The following YAE1 variants were observed in gnomAD, a reference collection of about 807,000 sequenced individuals.
YAE1 encodes the protein YAE1 maturation factor of ABCE1.
YAE1 carries 22 observed loss-of-function variants against 23.0 expected under a neutral mutation model. The observed-to-expected ratio is 0.96, with a 90% CI of 0.68 to 1.37. The LOEUF is 1.37. YAE1 is among the 40% of genes most tolerant of loss of function. The probability of loss-of-function intolerance (pLI) is 0.00; values close to 1 mark genes in which losing one functional copy is unlikely to be tolerated. For missense variants in YAE1, 260 were observed against 262.1 expected, an observed-to-expected ratio of 0.99 and a Z score of 0.06; for synonymous variants, 101 against 97.0, an observed-to-expected ratio of 1.04 and a Z score of -0.24.
intron 1 of YAE1, among the ~76,000 whole-genome samples, chr7:39,568,709 C>T (rs1790514788): frequency 6.6e-6 from 1 of 151,938 alleles, no homozygotes; most frequent in South Asian, 2.1e-4. Flanking sequence ...AAAATGTAAC[C>T]CGTAATAAAT....
intron 2 of YAE1, among the ~76,000 whole-genome samples, chr7:39,603,773 T>A (rs1179379383): frequency 2.0e-5 from 3 of 152,232 alleles, no homozygotes; most frequent in Admixed American, 6.5e-5. Context: ...GGATTTTTTT[T>A]AAATAAATTG....
intron 2 of YAE1, among the ~76,000 whole-genome samples, chr7:39,603,519 T>C (rs971229199): frequency 6.6e-6 from 1 of 152,102 alleles, no homozygotes; most frequent in East Asian, 1.9e-4. Context: ...AATTAAGCTG[T>C]GGGAATTGTG....
At chr7:39,587,179 C>T (rs911959560) in intron 2 of YAE1, among the ~76,000 whole-genome samples, 1 of 151,990 alleles carries the variant, frequency 6.6e-6, no homozygotes, top group Non-Finnish European at 1.5e-5. Context: ...ACCTCAGCGT[C>T]CCAAGCAGCT....
In YAE1 at chr7:39,572,700, A is replaced by G. The variant is rs747883761; in HGVS notation, c.675A>G (p.Gln225=). 1.3e-6 allele frequency: 2 copies of G among 1,564,180 alleles called. No individual in the cohort carries two copies. The highest frequency in any genetic ancestry group is 2.4e-5 in the South Asian group (2 of 83,102). ...TAGATGTATTACAACACCTCAAACAACTATAAAATTACCTTCCCTTTTCTA... is the reference window on the plus strand; with the variant it reads ...TAGATGTATTACAACACCTCAAACAGCTATAAAATTACCTTCCCTTTTCTA... ...LSVDVLQHLK[Q]L is the part of the protein sequence containing the mutation. The change falls in exon 3 of 3, where the codon CAA becomes CAG. Residue 225 remains glutamine, a synonymous_variant. Coordinates refer to ENST00000223273, the MANE Select transcript of YAE1 (RefSeq NM_020192.5).
chr7:39,583,404 T>C (rs1790773965), intron 2 of YAE1, among the ~76,000 whole-genome samples: 1 of 152,216 alleles, frequency 6.6e-6, no homozygotes, highest in South Asian at 2.1e-4. Context: ...AATTGAGTTA[T>C]TTTTCATTAA....
chr7:39,600,631 A>G (rs1039464954), intron 2 of YAE1, among the ~76,000 whole-genome samples: 62 of 152,234 alleles, frequency 4.1e-4, no homozygotes, highest in African/African-American at 1.4e-3. Flanking sequence ...TCCTGACCTC[A>G]GGTGATCCAC....
intron 2 of YAE1, among the ~76,000 whole-genome samples, chr7:39,603,253 G>C (rs981419103): frequency 6.6e-6 from 1 of 150,448 alleles, no homozygotes; most frequent in Non-Finnish European, 1.5e-5. Flanking sequence ...ATTCTCCTGC[G>C]TCAGCCTCCC....
chr7:39,586,268 G>A lies in YAE1; in HGVS notation c.251+15641G>A, dbSNP rs10252374. ...GCTCACTGCAACCTCCACCTCCCGGGTTCACGCCATTCTCCTGCCTCAGTC... is the reference window on the plus strand; with the variant it reads ...GCTCACTGCAACCTCCACCTCCCGGATTCACGCCATTCTCCTGCCTCAGTC... On this transcript the variant is annotated intron_variant, in intron 2 of 2. Coordinates refer to the YAE1 transcript ENST00000432096. Among the ~76,000 whole-genome samples, 478 of 151,114 alleles carry A rather than the reference G, an allele frequency of 3.2e-3. 3 individuals are homozygous for A. Among genetic ancestry groups the A allele is most frequent in the African/African-American group, 0.011 (458 of 41,156 alleles).
Position 39,566,420 on chromosome 7 carries a change from TGTC to T in YAE1, c.5_7del (p.Ser2?), listed in dbSNP as rs779038434. On this transcript the variant is annotated start_lost and inframe_deletion, in exon 1 of 3. Coordinates refer to ENST00000223273, the MANE Select transcript of YAE1 (RefSeq NM_020192.5). ...TGCGACCCCGTAATTGCCTCGGTGATGTCGTGGGTTCAAGCAGCCTCCTTGATC... is the reference window on the plus strand; with the variant it reads ...TGCGACCCCGTAATTGCCTCGGTGATGTGGGTTCAAGCAGCCTCCTTGATC... The T allele has an allele frequency of 6.2e-7, 1 of 1,613,486 alleles. No homozygotes were observed. The highest frequency in any genetic ancestry group is 1.1e-5 in the South Asian group (1 of 91,048).
intron 2 of YAE1, among the ~76,000 whole-genome samples, chr7:39,606,646 A>G (rs1468571543): frequency 2.6e-5 from 4 of 152,236 alleles, no homozygotes; most frequent in Non-Finnish European, 4.4e-5. Flanking sequence ...GGGTGTGCCC[A>G]CAATTCTCTA....
intron 2 of YAE1, among the ~76,000 whole-genome samples, chr7:39,594,974 T>A (rs1195524326): frequency 6.6e-6 from 1 of 152,220 alleles, no homozygotes; most frequent in African/African-American, 2.4e-5. Flanking sequence ...TAAATAAACC[T>A]GATTGCTCCA....
intron 2 of YAE1, among the ~76,000 whole-genome samples, chr7:39,604,029 AAG>A (rs2115848555): frequency 6.6e-6 from 1 of 152,332 alleles, no homozygotes; most frequent in South Asian, 2.1e-4. Flanking sequence ...CTTAAATAAT[AAG>A]AGAGTTTAAT....
intron 2 of YAE1, among the ~76,000 whole-genome samples, chr7:39,594,678 G>C (rs548783297): frequency 1.3e-5 from 2 of 151,344 alleles, no homozygotes; most frequent in Non-Finnish European, 2.9e-5. Flanking sequence ...TTGGTTCACT[G>C]AAACCTCCTG....
chr7:39,577,762 T>C (rs897667706), downstream of YAE1, among the ~76,000 whole-genome samples: 3 of 152,212 alleles, frequency 2.0e-5, no homozygotes, highest in South Asian at 6.2e-4. Flanking sequence ...TCCCATGGAC[T>C]GCCCAAGGGC....
At chr7:39,587,018 T>G (rs963739577) in intron 2 of YAE1, among the ~76,000 whole-genome samples, 1 of 131,844 alleles carries the variant, frequency 7.6e-6, no homozygotes, top group East Asian at 2.4e-4. Flanking sequence ...TTTTCTTTTC[T>G]TTTCTTTCTC....
intron 2 of YAE1, among the ~76,000 whole-genome samples, chr7:39,589,529 G>T (rs148121415): frequency 1.3e-5 from 2 of 152,214 alleles, no homozygotes; most frequent in Non-Finnish European, 2.9e-5. Context: ...ACAGAGCTGG[G>T]ATTACAGGTG....
intron 2 of YAE1, among the ~76,000 whole-genome samples, chr7:39,585,435 G>T (rs1790800977): frequency 6.6e-6 from 1 of 152,110 alleles, no homozygotes; most frequent in Non-Finnish European, 1.5e-5. Context: ...AAAACCACGT[G>T]AGAACACAGG....
intron 2 of YAE1, among the ~76,000 whole-genome samples, chr7:39,584,257 G>C (rs990263609): frequency 1.5e-4 from 23 of 152,118 alleles, no homozygotes; most frequent in Admixed American, 1.4e-3. Context: ...CAATAAGAAA[G>C]TTTTTGGAAA....
Position 39,609,946 on chromosome 7 carries a change from C to G in YAE1, c.581C>G (p.Ser194Ter). Reference sequence around the variant, plus strand: ...CCTTCCAACTCCGAAACACATTTTTCAACATATAATAGAATCATTATCAGA... The same window carrying G: ...CCTTCCAACTCCGAAACACATTTTTGAACATATAATAGAATCATTATCAGA... Residue 194 changes from serine (S) to a stop codon, truncating the protein, a stop_gained, in exon 3 of 3, where the codon TCA (serine) becomes TGA (stop). Coordinates refer to the YAE1 transcript ENST00000432096. LOFTEE classifies it high-confidence loss of function. 6.6e-7 allele frequency: 1 copy of G among 1,523,198 alleles called. No homozygotes were observed. The highest frequency in any genetic ancestry group is 8.8e-7 in the Non-Finnish European group (1 of 1,140,844). The allele number at this position is 1,523,198 out of a possible 1,614,324, so 94.4% of individuals were successfully genotyped here. A position where few individuals can be genotyped will look rare whatever the true frequency, so the allele number is the denominator to read the frequency against.
Sources: gnomAD v4.1 joint callset for allele counts (sites outside exome capture counted in the v4.1 genomes callset) on GRCh38, gnomAD v4.1.1 for gene constraint, MANE v1.5 for transcripts, NCBI Gene and HGNC (gene_info 2026-07-23, HGNC 2026-07-21) for gene names.